ALDH16A1: variants seen among roughly 807,000 people sequenced by gnomAD.
The protein encoded by ALDH16A1 is aldehyde dehydrogenase family 16 member A1.
ALDH16A1 carries 88 observed loss-of-function variants against 96.1 expected under a neutral mutation model. The ratio of observed to expected loss-of-function variants is 0.92; its 90% confidence interval spans 0.77 to 1.09. The LOEUF (loss-of-function observed/expected upper bound fraction) is 1.09. Ranked by LOEUF, ALDH16A1 falls within the 50% of genes least tolerant of loss-of-function variation. The pLI, the probability that ALDH16A1 is intolerant of heterozygous loss-of-function variation, is 0.00. For missense variants in ALDH16A1, 1,250 were observed against 1,112.6 expected (o/e 1.12, Z -1.76); for synonymous variants, 522 against 496.4 (o/e 1.05, Z -0.69).
rs1568648742 is a variant in ALDH16A1, at chr19:49,458,958, A to G, written c.194-2A>G. On this transcript the variant is annotated splice_acceptor_variant, in intron 2 of 16. Coordinates refer to ENST00000293350, the MANE Select transcript of ALDH16A1 (RefSeq NM_153329.4). LOFTEE classifies it high-confidence loss of function. ...TCTGAGTCCCCCCACTTTTCTCCCC[A>G]GGAGAGAACTTGGCCAGTTGCCTGC... The G allele has an allele frequency of 1.9e-6, 3 of 1,611,804 alleles. No homozygotes were observed. Among genetic ancestry groups the G allele is most frequent in the African/African-American group, 1.3e-5 (1 of 74,964 alleles).
chr19:49,464,617 C>T lies in ALDH16A1; in HGVS notation c.1438-15C>T, dbSNP rs1250231034. 3 of 1,614,000 alleles carry T rather than the reference C, an allele frequency of 1.9e-6. No homozygotes were observed. The African/African-American group carries it at 4.0e-5, about 22-fold the overall frequency. On this transcript the variant is annotated splice_polypyrimidine_tract_variant and intron_variant, in intron 11 of 16. Coordinates refer to ENST00000293350, the MANE Select transcript of ALDH16A1 (RefSeq NM_153329.4). ...GCGTGCCCCTTGCATCCTCTTGACACCGTCCCTCTCACAGGGGCTGTATGA... is the reference window on the plus strand; with the variant it reads ...GCGTGCCCCTTGCATCCTCTTGACATCGTCCCTCTCACAGGGGCTGTATGA...
chr19:49,458,625 T>C (rs1049192864), intron 2 of ALDH16A1, 37 bp downstream of exon 2: 2 of 1,540,906 alleles, frequency 1.3e-6, no homozygotes, highest in Non-Finnish European at 1.8e-6. Context: ...GGAAGGGAGG[T>C]ATCTGTGCCC....
rs1275367684 is a variant in ALDH16A1, at chr19:49,456,280, T to A, written c.91-2206T>A. 3.3e-5 allele frequency among the ~76,000 whole-genome samples: 5 copies of A among 152,226 alleles called. No homozygotes were observed. The East Asian group carries it at 9.6e-4, about 29-fold the overall frequency. On this transcript the variant is annotated intron_variant, in intron 1 of 16. Coordinates refer to ENST00000293350, the MANE Select transcript of ALDH16A1 (RefSeq NM_153329.4). ...TTTAAACAAATCCTGGATGTCACAGTATTTTCCTATAAATATTTGAATCCT... is the reference window on the plus strand; with the variant it reads ...TTTAAACAAATCCTGGATGTCACAGAATTTTCCTATAAATATTTGAATCCT...
intron 4 of ALDH16A1, among the ~76,000 whole-genome samples, chr19:49,460,454 G>A (rs1369218345): frequency 2.1e-5 from 3 of 142,140 alleles, no homozygotes; most frequent in Non-Finnish European, 4.6e-5. Flanking sequence ...GCTCTTTGTT[G>A]CCCAGGCTGG....
chr19:49,460,698 G>A, intron 4 of ALDH16A1, 124 bp from the exon 5 acceptor site: 1 of 824,316 alleles, frequency 1.2e-6, no homozygotes, highest in Non-Finnish European at 1.9e-6. Context: ...ACAGGCGTGA[G>A]CCACCACACC....
At chr19:49,456,628 A>C (rs2079106066) in intron 1 of ALDH16A1, among the ~76,000 whole-genome samples, 2 of 152,162 alleles carry the variant, frequency 1.3e-5, no homozygotes, top group African/African-American at 4.8e-5. Flanking sequence ...CAGCTCAAGC[A>C]ATCCTCCCGT....
chr19:49,467,738 T>A (rs2079210953), intron 14 of ALDH16A1, among the ~76,000 whole-genome samples: 1 of 151,978 alleles, frequency 6.6e-6, no homozygotes, highest in Non-Finnish European at 1.5e-5. Context: ...GGGATACATG[T>A]GCAGAACGCG....
At chr19:49,462,065 T>A in intron 7 of ALDH16A1, 29 bp downstream of exon 7, 1 of 1,519,286 alleles carries the variant, frequency 6.6e-7, no homozygotes, top group Non-Finnish European at 8.8e-7. Flanking sequence ...CGTCTCCTCA[T>A]ACCCTGGAGG....
intron 7 of ALDH16A1, among the ~76,000 whole-genome samples, 182 bp downstream of exon 7, chr19:49,462,218 T>C (rs10401643): frequency 0.41 from 52,652 of 129,876 alleles, 10,101 homozygotes; most frequent in African/African-American, 0.54. Context: ...CCGCAACCTC[T>C]GCCTCCCAGG....
intron 9 of ALDH16A1, 34 bp from the exon 10 acceptor site, chr19:49,464,093 C>T: frequency 6.3e-7 from 1 of 1,599,214 alleles, no homozygotes; most frequent in Non-Finnish European, 8.5e-7. Flanking sequence ...TGGGTGGGCC[C>T]TGGAGGGCTG....
intron 14 of ALDH16A1, among the ~76,000 whole-genome samples, chr19:49,467,894 C>A (rs2079212157): frequency 6.6e-6 from 1 of 151,126 alleles, no homozygotes; most frequent in African/African-American, 2.4e-5. Context: ...GTGGCTCACG[C>A]CTGTAATCTC....
At chr19:49,460,104 G>GGTCT in intron 4 of ALDH16A1, among the ~76,000 whole-genome samples, 1 of 151,756 alleles carries the variant, frequency 6.6e-6, no homozygotes, top group South Asian at 2.1e-4. Context: ...AGAGAAGAGG[G>GGTCT]GTCTCATCAT....
In ALDH16A1 at chr19:49,461,781, C is replaced by T. The variant is rs769176878; in HGVS notation, c.740C>T (p.Ala247Val). 6.2e-7 allele frequency: 1 copy of T among 1,611,144 alleles called. No homozygotes were observed. The highest frequency in any genetic ancestry group is 1.1e-5 in the South Asian group (1 of 90,654). Residue 247 changes from alanine to valine, a missense_variant, in exon 6 of 17, where the codon GCC becomes GTC. Transcript: ENST00000293350. ...TCCCAGCCTGGAATCCGGAAGGTGG[C>T]CTTCTGCGGAGCCCCGGAGGTACCT... ...LASQPGIRKV[A>V]FCGAPEEGRA...
Position 49,461,498 on chromosome 19 carries a change from G to A in ALDH16A1, c.578-121G>A, listed in dbSNP as rs569997274. On this transcript the variant is annotated intron_variant, in intron 5 of 16. Transcript: ENST00000293350. ...CTGGACTCCTGAGTCTGAGGGAGGA[G>A]GGGCTGGAGTCTGGACTCCTGGGTC... The A allele has an allele frequency of 5.3e-4, 186 of 351,852 alleles. 61 individuals carry two copies. Among genetic ancestry groups the A allele is most frequent in the Non-Finnish European group, 8.5e-4 (176 of 207,086 alleles). The allele number at this position is 351,852 out of a possible 1,614,324, so 21.8% of individuals were successfully genotyped here. A position where few individuals can be genotyped will look rare whatever the true frequency, so the allele number is the denominator to read the frequency against.
At chr19:49,458,832 C>T (rs927990864) in intron 2 of ALDH16A1, 128 bp from the exon 3 acceptor site, 23 of 1,356,762 alleles carry the variant, frequency 1.7e-5, no homozygotes, top group African/African-American at 8.7e-5. Flanking sequence ...TGATCATAGC[C>T]GTGACCCAGC....
At chr19:49,467,696 CT>C (rs1036965858) in intron 14 of ALDH16A1, among the ~76,000 whole-genome samples, 1 of 151,218 alleles carries the variant, frequency 6.6e-6, no homozygotes, top group Non-Finnish European at 1.5e-5. Context: ...ACCCGGCCTT[CT>C]TTTTTTTAAA....
In ALDH16A1 at chr19:49,468,912, G is replaced by A; in HGVS notation, c.2173G>A (p.Asp725Asn). Residue 725 changes from aspartate to asparagine, a missense_variant, in exon 16 of 17, where the codon GAC (aspartate) becomes AAC (asparagine). Asp to Asn is a conservative substitution (Grantham distance 23). Transcript: ENST00000293350. The surrounding 1 kb of genome is among the most constrained non-coding windows in gnomAD (Gnocchi z 4.4). ...AGGCCTGGCCAACGTGGTGACAGGA[G>A]ACCGGGACCATCTGACCCGCTGCCT... ...PAGLANVVTG[D>N]RDHLTRCLAL... 1 of 1,614,058 alleles carries A rather than the reference G, an allele frequency of 6.2e-7. No individual in the cohort carries two copies. The highest frequency in any genetic ancestry group is 8.5e-7 in the Non-Finnish European group (1 of 1,180,024).
In ALDH16A1 at chr19:49,464,403, C is replaced by T. The variant is rs369105748; in HGVS notation, c.1332-14C>T. ...TCTGTTTTCCTCTGTTGGACACCTT[C>T]ATCTTCCCCACAGGCTCCAGGTGGG... On this transcript the variant is annotated splice_polypyrimidine_tract_variant and intron_variant, in intron 10 of 16. Transcript: ENST00000293350. The T allele has an allele frequency of 4.1e-4, 651 of 1,589,584 alleles. 6 individuals carry two copies. In the South Asian group the frequency reaches 7.0e-3, roughly 17 times the overall value.
chr19:49,453,265 C>T lies in ALDH16A1; in HGVS notation c.-67C>T. 7.1e-7 allele frequency: 1 copy of T among 1,410,408 alleles called. No individual in the cohort carries two copies. The allele number at this position is 1,410,408 out of a possible 1,614,324, so 87.4% of individuals were successfully genotyped here. The stretch of plus-strand genomic sequence containing the variant: ...GGCTGGAACCGGAGGTGTCGCTCTT[C>T]GGACCTCAAGGTTCCCCTTAACACA... On this transcript the variant is annotated 5_prime_UTR_variant, in exon 1 of 17. Transcript: ENST00000293350.
Sources: gnomAD v4.1 joint callset for allele counts (sites outside exome capture counted in the v4.1 genomes callset) on GRCh38, gnomAD v4.1.1 for gene constraint, Gnocchi (gnomAD v3.1) non-coding constraint, MANE v1.5 for transcripts, NCBI Gene and HGNC (gene_info 2026-07-23, HGNC 2026-07-21) for gene names.